LMNTD1: variants seen among roughly 807,000 people sequenced by gnomAD.
LMNTD1 encodes lamin tail domain containing 1.
Under a neutral mutation model 50.9 loss-of-function variants are expected in LMNTD1, and 35 were observed. That is an observed-to-expected ratio of 0.69 (90% CI 0.53 to 0.91). LMNTD1 has a LOEUF of 0.91. Ranked by LOEUF, LMNTD1 falls within the 40% of genes least tolerant of loss-of-function variation. The pLI, the probability that LMNTD1 is intolerant of heterozygous loss-of-function variation, is 0.00. For synonymous variants in LMNTD1, 153 were observed against 161.9 expected, an observed-to-expected ratio of 0.94 and a Z score of 0.42; for missense variants, 470 against 475.5, an observed-to-expected ratio of 0.99 and a Z score of 0.11.
At chr12:25,484,659 C>A in intron 9 of LMNTD1, among the ~76,000 whole-genome samples, 1 of 120,512 alleles carries the variant, frequency 8.3e-6, no homozygotes, top group Non-Finnish European at 1.7e-5. Flanking sequence ...CCCCCCTCCC[C>A]CCACCCCACC....
At chr12:25,634,733 C>T (rs1047950000) in intron 1 of LMNTD1, among the ~76,000 whole-genome samples, 10 of 152,174 alleles carry the variant, frequency 6.6e-5, no homozygotes, top group South Asian at 2.1e-4. Context: ...AGCATTCCCT[C>T]TGAGTACTGG....
At position 25,517,707 on chromosome 12, in the gene LMNTD1, GAATAATAATAATAATAAT is replaced by G. The variant is rs71851020; in HGVS notation, c.1189+1070_1189+1087del. On this transcript the variant is annotated intron_variant, in intron 8 of 9. Transcript: ENST00000458174. Reference sequence around the variant, plus strand: ...ATGTACCCTAAAACTTAAAGTGTAAGAATAATAATAATAATAATAATAATAATAATAATAATAATAAAA... The same window carrying G: ...ATGTACCCTAAAACTTAAAGTGTAAGAATAATAATAATAATAATAATAAAA... Among the ~76,000 whole-genome samples the G allele has an allele frequency of 6.8e-4, 94 of 139,254 alleles. 1 individual carries two copies. The highest frequency in any genetic ancestry group is 2.1e-3 in the African/African-American group (77 of 37,432). 91.4% of individuals were successfully genotyped at this position (139,254 alleles called of 152,430 possible).
intron 1 of LMNTD1, among the ~76,000 whole-genome samples, chr12:25,593,942 TATC>T (rs1945776733): frequency 1.3e-5 from 2 of 152,056 alleles, no homozygotes; most frequent in Admixed American, 1.3e-4. Context: ...GTCTCTGAAA[TATC>T]ATTGAACAAG....
At chr12:25,608,767 T>C (rs559851049) in intron 1 of LMNTD1, among the ~76,000 whole-genome samples, 1 of 152,322 alleles carries the variant, frequency 6.6e-6, no homozygotes, top group East Asian at 1.9e-4. Context: ...TTTCCTTCAT[T>C]TCAACCTTGG....
intron 9 of LMNTD1, among the ~76,000 whole-genome samples, chr12:25,489,345 A>T (rs1591821658): frequency 6.6e-6 from 1 of 151,228 alleles, no homozygotes; most frequent in Middle Eastern, 3.4e-3. Context: ...CCGTTTTTTA[A>T]GCCGGTCTGA....
At chr12:25,622,931 A>G (rs908046851) in intron 1 of LMNTD1, among the ~76,000 whole-genome samples, 5 of 129,678 alleles carry the variant, frequency 3.9e-5, no homozygotes, top group African/African-American at 1.5e-4. Flanking sequence ...ATGAACCTAA[A>G]CATCTGTTTT....
intron 1 of LMNTD1, among the ~76,000 whole-genome samples, chr12:25,559,766 T>G (rs537728132): frequency 5.3e-4 from 81 of 152,344 alleles, no homozygotes; most frequent in Non-Finnish European, 1.0e-3. Flanking sequence ...TATCTCATTG[T>G]GGTTTTGATT....
intron 4 of LMNTD1, among the ~76,000 whole-genome samples, chr12:25,542,416 T>G (rs528870122): frequency 6.6e-6 from 1 of 150,756 alleles, no homozygotes; most frequent in Admixed American, 6.6e-5. Flanking sequence ...TTCATGTCCT[T>G]TGTAGGGACA....
At chr12:25,621,183 C>A (rs556201562) in intron 1 of LMNTD1, among the ~76,000 whole-genome samples, 1 of 152,098 alleles carries the variant, frequency 6.6e-6, no homozygotes, top group Admixed American at 6.5e-5. Context: ...AACTAATAAC[C>A]GCATCTATTA....
At chr12:25,554,236 C>G (rs1441954723), upstream of LMNTD1, among the ~76,000 whole-genome samples, 2 of 152,230 alleles carry the variant, frequency 1.3e-5, no homozygotes, top group African/African-American at 4.8e-5. Context: ...TCTTGTCACT[C>G]TCCCAGTCTC....
intron 4 of LMNTD1, 89 bp from the exon 5 acceptor site, chr12:25,527,044 A>G: frequency 1.1e-6 from 1 of 892,982 alleles, no homozygotes; most frequent in African/African-American, 1.7e-5. Flanking sequence ...ACTGCTTGAA[A>G]GTTGTTCTTA....
At chr12:25,516,843 A>C (rs1940817636) in intron 8 of LMNTD1, among the ~76,000 whole-genome samples, 1 of 151,648 alleles carries the variant, frequency 6.6e-6, no homozygotes, top group African/African-American at 2.4e-5. Flanking sequence ...TCTACAATGA[A>C]CTCAAACAAA....
intron 9 of LMNTD1, among the ~76,000 whole-genome samples, chr12:25,481,704 G>T (rs571595265): frequency 3.3e-5 from 5 of 151,368 alleles, no homozygotes; most frequent in African/African-American, 7.3e-5. Flanking sequence ...TAGACAACAG[G>T]CTAAATCCCA....
chr12:25,601,875 T>G (rs1945986356), intron 1 of LMNTD1, among the ~76,000 whole-genome samples: 1 of 151,942 alleles, frequency 6.6e-6, no homozygotes, highest in African/African-American at 2.4e-5. Context: ...AATGATTACA[T>G]CAGGGTAGTT....
chr12:25,595,647 A>G (rs1945827918), intron 1 of LMNTD1, among the ~76,000 whole-genome samples: 1 of 152,140 alleles, frequency 6.6e-6, no homozygotes, highest in Non-Finnish European at 1.5e-5. Context: ...CAAACAGACA[A>G]TCTAAGGTCA....
At chr12:25,514,508 A>G (rs1412312107) in intron 8 of LMNTD1, among the ~76,000 whole-genome samples, 1 of 151,766 alleles carries the variant, frequency 6.6e-6, no homozygotes, top group Non-Finnish European at 1.5e-5. Flanking sequence ...AGAGGCTGGG[A>G]AGGGTAGTGG....
chr12:25,592,624 G>C (rs1309193097), intron 1 of LMNTD1: 1 of 152,630 alleles, frequency 6.6e-6, no homozygotes, highest in African/African-American at 2.4e-5. Context: ...TTGGGGCGGG[G>C]GGCAGTCAGA....
At chr12:25,533,457 G>T (rs1473637991) in intron 4 of LMNTD1, among the ~76,000 whole-genome samples, 7 of 151,796 alleles carry the variant, frequency 4.6e-5, no homozygotes, top group Admixed American at 4.6e-4. Flanking sequence ...TTATCTATTT[G>T]TTGGGCTCTC....
chr12:25,615,495 C>T (rs1946336228), intron 1 of LMNTD1, among the ~76,000 whole-genome samples: 1 of 151,400 alleles, frequency 6.6e-6, no homozygotes, highest in South Asian at 2.1e-4. Flanking sequence ...ACTCTTTACT[C>T]TTGTCGCCCA....
Sources: allele counts gnomAD v4.1 joint callset (sites outside exome capture counted in the v4.1 genomes callset), GRCh38; gene constraint gnomAD v4.1.1; transcripts MANE v1.5; gene names NCBI Gene and HGNC (gene_info 2026-07-23, HGNC 2026-07-21).